ANKRD44: variants seen among roughly 807,000 people sequenced by gnomAD.
ANKRD44 encodes serine/threonine-protein phosphatase 6 regulatory ankyrin repeat subunit B.
Under a neutral mutation model 116.0 loss-of-function variants are expected in ANKRD44, and 35 were observed. That is an observed-to-expected ratio of 0.30 (90% CI 0.23 to 0.40). The LOEUF is 0.40. ANKRD44 is among the 10% of genes least tolerant of loss of function. The pLI, the probability that ANKRD44 is intolerant of heterozygous loss-of-function variation, is 1.00. For missense variants in ANKRD44, 1,014 were observed against 1,242.6 expected (o/e 0.82, Z 2.77); for synonymous variants, 435 against 461.8 (o/e 0.94, Z 0.74).
chr2:196,974,137 C>T (rs2075740004), intron 21 of ANKRD44, among the ~76,000 whole-genome samples: 1 of 151,798 alleles, frequency 6.6e-6, no homozygotes, highest in Non-Finnish European at 1.5e-5. Flanking sequence ...GGCTAGAGTG[C>T]AGTGGCATGA....
intron 1 of ANKRD44, among the ~76,000 whole-genome samples, chr2:197,308,644 C>A (rs1361136359): frequency 6.6e-6 from 1 of 152,224 alleles, no homozygotes; most frequent in Non-Finnish European, 1.5e-5. Context: ...CCTTTCTCTC[C>A]ATACTCATAC....
chr2:197,282,094 A>C (rs1189577940), intron 1 of ANKRD44, among the ~76,000 whole-genome samples: 6 of 152,138 alleles, frequency 3.9e-5, no homozygotes, highest in Non-Finnish European at 8.8e-5. Context: ...TCTACTAAAA[A>C]TACAGAAAAT....
chr2:197,132,398 G>A (rs977442524), intron 4 of ANKRD44, among the ~76,000 whole-genome samples: 1 of 152,348 alleles, frequency 6.6e-6, no homozygotes, highest in African/African-American at 2.4e-5. Context: ...AGGACATAAT[G>A]TCAGGCATGG....
chr2:197,084,294 C>A (rs1170930220), intron 13 of ANKRD44, among the ~76,000 whole-genome samples: 1 of 152,090 alleles, frequency 6.6e-6, no homozygotes, highest in Non-Finnish European at 1.5e-5. Context: ...TTGGTTTAGC[C>A]CCAGGAGTGC....
chr2:197,056,426 T>C (rs535613781), intron 16 of ANKRD44, among the ~76,000 whole-genome samples: 8 of 152,298 alleles, frequency 5.3e-5, no homozygotes, highest in Admixed American at 2.0e-4. Flanking sequence ...TAATGTATTA[T>C]AGTTTTATGG....
chr2:197,237,474 G>A (rs2082002224), intron 1 of ANKRD44, among the ~76,000 whole-genome samples: 1 of 152,120 alleles, frequency 6.6e-6, no homozygotes, highest in South Asian at 2.1e-4. Flanking sequence ...CTGTGGGATT[G>A]GACTCTGCTC....
At chr2:197,291,867 T>C (rs750262489) in intron 1 of ANKRD44, among the ~76,000 whole-genome samples, 1 of 152,134 alleles carries the variant, frequency 6.6e-6, no homozygotes, top group Non-Finnish European at 1.5e-5. Flanking sequence ...TGTTCCCTGC[T>C]CTGTGTCCAA....
At chr2:197,262,407 C>T (rs2082628833) in intron 1 of ANKRD44, among the ~76,000 whole-genome samples, 1 of 152,104 alleles carries the variant, frequency 6.6e-6, no homozygotes. Context: ...ATTTACTGGC[C>T]ACTGACAACT....
rs2075996412 is a variant in ANKRD44 at position 196,995,478 on chromosome 2, A to G, written c.2749-17T>C. 2 of 1,538,454 alleles carry G rather than the reference A, an allele frequency of 1.3e-6. No homozygotes were observed. The highest frequency in any genetic ancestry group is 1.4e-5 in the African/African-American group (1 of 72,952). On this transcript the variant is annotated splice_polypyrimidine_tract_variant and intron_variant, in intron 25 of 27. Transcript: ENST00000282272. ...TTCATGACCCTAATAAAGAAAAAGA[A>G]TGATAAGAAATGCAAGATAGAGACA...
chr2:196,968,842 C>G (rs1020031394), intron 21 of ANKRD44, among the ~76,000 whole-genome samples: 1 of 152,188 alleles, frequency 6.6e-6, no homozygotes, highest in Non-Finnish European at 1.5e-5. Flanking sequence ...TGAGCTTTCA[C>G]GCAGGCCCCC....
intron 21 of ANKRD44, 118 bp downstream of exon 21, chr2:197,005,576 T>G (rs2076187074): frequency 1.1e-6 from 1 of 906,270 alleles, no homozygotes; most frequent in Admixed American, 2.7e-5. Flanking sequence ...ATATCTTGGA[T>G]GCAGAAAGAT....
intron 1 of ANKRD44, among the ~76,000 whole-genome samples, chr2:197,265,788 A>G (rs2082726233): frequency 6.6e-6 from 1 of 152,174 alleles, no homozygotes; most frequent in Non-Finnish European, 1.5e-5. Context: ...GAAAAAGCAC[A>G]TAATTCCATG....
chr2:197,061,783 C>CTTTTTT (rs3031992), intron 16 of ANKRD44, among the ~76,000 whole-genome samples: 8 of 143,766 alleles, frequency 5.6e-5, no homozygotes, highest in South Asian at 2.1e-4. Flanking sequence ...ATATCCATGC[C>CTTTTTT]TTTTTTTTTT....
chr2:197,133,022 A>G (rs2079128176), intron 4 of ANKRD44, among the ~76,000 whole-genome samples: 1 of 152,146 alleles, frequency 6.6e-6, no homozygotes, highest in African/African-American at 2.4e-5. Flanking sequence ...GCCACAAGAG[A>G]TATCTGATGA....
chr2:197,220,447 T>C (rs1040802667), intron 1 of ANKRD44, among the ~76,000 whole-genome samples: 18 of 152,212 alleles, frequency 1.2e-4, no homozygotes, highest in Admixed American at 1.2e-3. Context: ...ATCAAAGTAT[T>C]GTCATTGTGT....
intron 16 of ANKRD44, among the ~76,000 whole-genome samples, chr2:197,076,508 A>T (rs191977543): frequency 4.1e-4 from 63 of 152,264 alleles, no homozygotes; most frequent in African/African-American, 1.1e-3. Context: ...TGGGGTTTTT[A>T]AAAAAACTTT....
chr2:197,153,762 G>A (rs2079726399), intron 2 of ANKRD44, among the ~76,000 whole-genome samples: 1 of 151,988 alleles, frequency 6.6e-6, no homozygotes, highest in Non-Finnish European at 1.5e-5. Flanking sequence ...ATACTTTTAG[G>A]GATAAAAGTG....
intron 2 of ANKRD44, among the ~76,000 whole-genome samples, chr2:197,181,220 C>CA (rs1477629414): frequency 6.6e-6 from 1 of 152,082 alleles, no homozygotes; most frequent in Non-Finnish European, 1.5e-5. Flanking sequence ...AACAGCTTTA[C>CA]AAAAAAAATT....
At chr2:197,242,781 G>A (rs2082117051) in intron 1 of ANKRD44, among the ~76,000 whole-genome samples, 2 of 152,074 alleles carry the variant, frequency 1.3e-5, no homozygotes, top group South Asian at 2.1e-4. Context: ...TATTTACCTG[G>A]GCCTCAACAC....
Sources: gnomAD v4.1 joint callset for allele counts (sites outside exome capture counted in the v4.1 genomes callset) on GRCh38, gnomAD v4.1.1 for gene constraint, MANE v1.5 for transcripts, NCBI Gene and HGNC (gene_info 2026-07-23, HGNC 2026-07-21) for gene names.